HIF3A: variants seen among roughly 807,000 people sequenced by gnomAD.
HIF3A encodes hypoxia inducible factor 3 subunit alpha.
HIF3A carries 41 observed loss-of-function variants against 67.2 expected under a neutral mutation model. That is an observed-to-expected ratio of 0.61 (90% CI 0.48 to 0.79). The LOEUF is 0.79. Among genes scored for constraint, HIF3A ranks in the 30% least tolerant of loss-of-function variants. The pLI is 0.00. For synonymous variants in HIF3A, 356 were observed against 374.8 expected, an observed-to-expected ratio of 0.95 and a Z score of 0.58; for missense variants, 855 against 898.0, an observed-to-expected ratio of 0.95 and a Z score of 0.61.
chr19:46,307,062 G>A (rs1182723889), intron 3 of HIF3A, among the ~76,000 whole-genome samples: 4 of 151,546 alleles, frequency 2.6e-5, no homozygotes, highest in Non-Finnish European at 5.9e-5. Flanking sequence ...TCTTACTCCA[G>A]GGGGCCATAA....
chr19:46,340,510 T>G lies in HIF3A; in HGVS notation c.*888T>G, dbSNP rs1243239466. 1 of 146,966 alleles carries G rather than the reference T, an allele frequency of 6.8e-6. No individual in the cohort carries two copies. The highest frequency in any genetic ancestry group is 6.7e-5 in the Admixed American group (1 of 14,822). 9.1% of individuals were successfully genotyped at this position (146,966 alleles called of 1,614,324 possible). On this transcript the variant is annotated 3_prime_UTR_variant, in exon 15 of 15. Coordinates refer to ENST00000377670, the MANE Select transcript of HIF3A (RefSeq NM_152795.4). ...CTGCTCCTCTTCCTCTTCTTCTTCT[T>G]TTTTTTTTTTGACAGAGTCTTGCTC...
intron 11 of HIF3A, among the ~76,000 whole-genome samples, chr19:46,326,866 A>T (rs532868370): frequency 6.6e-6 from 1 of 152,244 alleles, no homozygotes; most frequent in South Asian, 2.1e-4. Context: ...TTAAAAAAAA[A>T]CTGGGGGCCA....
At chr19:46,322,054 C>A in intron 10 of HIF3A, 88 bp downstream of exon 10, 1 of 1,339,816 alleles carries the variant, frequency 7.5e-7, no homozygotes, top group Non-Finnish European at 1.0e-6. Context: ...TGACTGTTCT[C>A]TGGGCCTCAG....
chr19:46,308,508 CA>C (rs1969108957), intron 4 of HIF3A, 154 bp from the exon 5 acceptor site: 2 of 633,406 alleles, frequency 3.2e-6, no homozygotes, highest in Non-Finnish European at 5.4e-6. Flanking sequence ...CTGGGGGGTC[CA>C]AGGGGACACA....
intron 8 of HIF3A, among the ~76,000 whole-genome samples, chr19:46,316,802 C>A (rs1332529432): frequency 4.5e-3 from 544 of 120,060 alleles, no homozygotes; most frequent in African/African-American, 5.8e-3. Context: ...GACTCCATCT[C>A]AAAAAAAAAA....
intron 9 of HIF3A, 28 bp downstream of exon 9, chr19:46,320,589 G>A (rs1601302020): frequency 6.4e-7 from 1 of 1,566,840 alleles, no homozygotes. Flanking sequence ...GGCCGGGAGG[G>A]GTTGTGTCCC....
intron 3 of HIF3A, among the ~76,000 whole-genome samples, chr19:46,307,163 C>A (rs780184521): frequency 5.3e-5 from 8 of 152,210 alleles, no homozygotes; most frequent in Non-Finnish European, 1.0e-4. Flanking sequence ...AGCCTCCCAT[C>A]ATTGCGTTAC....
Position 46,334,970 on chromosome 19 carries a change from C to A in HIF3A, c.1896C>A (p.Asn632Lys), listed in dbSNP as rs376224343. The stretch of plus-strand genomic sequence containing the variant: ...AGGACCCCAGCACCCCACTCCTGAA[C>A]CTGAATGAGCCCCTGGGTGAGTAGC... Reference protein sequence around the residue: ...SLQDPSTPLLNLNEPLGLGPS... With the variant: ...SLQDPSTPLLKLNEPLGLGPS... The change falls in exon 14 of 15, where the codon AAC becomes AAA. Residue 632 changes from asparagine (N) to lysine (K), a missense_variant. Physicochemically the swap from Asn to Lys is moderately conservative, Grantham distance 94. Coordinates refer to ENST00000377670, the MANE Select transcript of HIF3A (RefSeq NM_152795.4). 679 of 1,605,888 alleles carry A rather than the reference C, an allele frequency of 4.2e-4. 11 individuals carry two copies. The South Asian group carries it at 6.5e-3, about 15-fold the overall frequency.
Position 46,297,231 on chromosome 19 carries a change from A to T in HIF3A, c.26+129A>T. The T allele has an allele frequency of 1.9e-6, 1 of 522,034 alleles. No individual in the cohort carries two copies. Among genetic ancestry groups the T allele is most frequent in the South Asian group, 7.0e-5 (1 of 14,186 alleles). 32.3% of individuals were successfully genotyped at this position (522,034 alleles called of 1,614,324 possible). A position where few individuals can be genotyped will look rare whatever the true frequency, so the allele number is the denominator to read the frequency against. On this transcript the variant is annotated intron_variant, in intron 1 of 14. Transcript: ENST00000377670. This position sits in a 1 kb window ranked among gnomAD's most constrained non-coding sequence, Gnocchi z 4.5. ...AGAACGCCCCGGGGCGCGCAGTTGGAGGCACATCCCCACCGCACTCTCCAC... is the reference window on the plus strand; with the variant it reads ...AGAACGCCCCGGGGCGCGCAGTTGGTGGCACATCCCCACCGCACTCTCCAC...
chr19:46,304,178 C>A lies in HIF3A; in HGVS notation c.217+90C>A, dbSNP rs895919114. On this transcript the variant is annotated intron_variant, in intron 2 of 14. Transcript: ENST00000377670. ...CAGGGAGGCCCCTCCTCCGGGAAGC[C>A]TTATTCTGACAAAGCCCCGCCCCCT... is the stretch of plus-strand genomic sequence containing the variant. 17 of 1,193,422 alleles carry A rather than the reference C, an allele frequency of 1.4e-5. No homozygotes were observed. The East Asian group carries it at 4.4e-4, about 31-fold the overall frequency. The allele number at this position is 1,193,422 out of a possible 1,614,324, so 73.9% of individuals were successfully genotyped here.
chr19:46,306,932 A>G (rs1325824197), intron 3 of HIF3A, among the ~76,000 whole-genome samples: 3 of 152,096 alleles, frequency 2.0e-5, no homozygotes, highest in Non-Finnish European at 1.5e-5. Flanking sequence ...TCCTCCCAGC[A>G]CCACGCTCAT....
chr19:46,304,660 A>G (rs2147126511), intron 2 of HIF3A, among the ~76,000 whole-genome samples: 1 of 152,174 alleles, frequency 6.6e-6, no homozygotes, highest in Admixed American at 6.5e-5. Flanking sequence ...ACACTCACAC[A>G]TAAACCCCGT....
rs761192167 is a variant in HIF3A, at chr19:46,321,812, C to T, written c.1181C>T (p.Pro394Leu). 1.2e-5 allele frequency: 19 copies of T among 1,613,756 alleles called. No homozygotes were observed. Among genetic ancestry groups the T allele is most frequent in the African/African-American group, 1.3e-5 (1 of 74,916 alleles). Residue 394 changes from proline (P) to leucine (L), a missense_variant, in exon 10 of 15, where the codon CCG becomes CTG. Coordinates refer to ENST00000377670, the MANE Select transcript of HIF3A (RefSeq NM_152795.4). ...PGPRILAFLH[P>L]PSLSEAALAA... ...CCCCGGATCCTTGCCTTCCTGCACC[C>T]GCCTTCCCTGAGCGAGGCTGCCCTG...
At chr19:46,313,289 T>G (rs1969624261) in intron 8 of HIF3A, 1 of 979,278 alleles carries the variant, frequency 1.0e-6, no homozygotes, top group Non-Finnish European at 1.2e-6. Context: ...GGACTCTATA[T>G]TCAAGTTAAA....
chr19:46,329,825 G>A (rs193255125), intron 12 of HIF3A, among the ~76,000 whole-genome samples: 29 of 152,136 alleles, frequency 1.9e-4, no homozygotes, highest in African/African-American at 7.0e-4. Context: ...GCCGGGTGTG[G>A]TGGTGCATGC....
chr19:46,315,873 C>T (rs904278998), intron 8 of HIF3A, among the ~76,000 whole-genome samples: 1 of 151,900 alleles, frequency 6.6e-6, no homozygotes. Flanking sequence ...GAGATCACAC[C>T]GCTGCACTCT....
chr19:46,329,326 C>T lies in HIF3A; in HGVS notation c.1560C>T (p.Pro520=), dbSNP rs750088731. 1.9e-6 allele frequency: 3 copies of T among 1,613,340 alleles called. No homozygotes were observed. In the East Asian group the frequency reaches 6.7e-5, roughly 36 times the overall value. ...RAYHRPLGAV[P]RPRARSFHGL... ...ACCACAGACCTCTGGGGGCTGTCCC[C>T]CGGCCCCGTGCTCGGAGCTTCCATG... The change falls in exon 12 of 15, where the codon CCC becomes CCT. Residue 520 remains proline (P), a synonymous_variant. Coordinates refer to ENST00000377670, the MANE Select transcript of HIF3A (RefSeq NM_152795.4).
At chr19:46,322,489 G>C (rs908418790) in intron 10 of HIF3A, among the ~76,000 whole-genome samples, 84 of 152,038 alleles carry the variant, frequency 5.5e-4, no homozygotes, top group Non-Finnish European at 1.0e-4. Flanking sequence ...ACCCAGGCTG[G>C]AATGCAGTGG....
rs769137791 is a variant in HIF3A at position 46,304,043 on chromosome 19, C to A, written c.172C>A (p.Arg58Ser). The A allele has an allele frequency of 3.2e-6, 5 of 1,587,100 alleles. No individual in the cohort carries two copies. Among genetic ancestry groups the A allele is most frequent in the East Asian group, 2.3e-5 (1 of 43,596 alleles). Residue 58 changes from arginine (R) to serine (S), a missense_variant, in exon 2 of 15, where the codon CGC (arginine) becomes AGC (serine). Arg to Ser is a moderately radical substitution (Grantham distance 110, BLOSUM62 -1). This residue lies in a region of HIF3A where 638 missense variants were observed against 660.5 expected (regional missense o/e 0.97). Coordinates refer to ENST00000377670, the MANE Select transcript of HIF3A (RefSeq NM_152795.4). ...CCACCTGGACAAGGCCTCTATCATG[C>A]GCCTCACCATCAGCTACCTGCGCAT... ...SAHLDKASIM[R>S]LTISYLRMHR... is the part of the protein sequence containing the mutation.
Sources: allele counts gnomAD v4.1 joint callset (sites outside exome capture counted in the v4.1 genomes callset), GRCh38; gene constraint gnomAD v4.1.1; regional missense constraint gnomAD v4.1.1; non-coding constraint Gnocchi (gnomAD v3.1); transcripts MANE v1.5; gene names NCBI Gene and HGNC (gene_info 2026-07-23, HGNC 2026-07-21).